The following SPTAN1 variants were observed in gnomAD, a reference collection of about 807,000 sequenced individuals.
SPTAN1 encodes the protein spectrin alpha, non-erythrocytic 1.
SPTAN1 carries 61 observed loss-of-function variants against 331.3 expected under a neutral mutation model. The ratio of observed to expected loss-of-function variants is 0.18; its 90% CI spans 0.15 to 0.23. The LOEUF (loss-of-function observed/expected upper bound fraction) is 0.23. Among genes scored for constraint, SPTAN1 ranks in the 10% least tolerant of loss-of-function variants. The probability of loss-of-function intolerance (pLI) is 1.00; values close to 1 mark genes in which losing one functional copy is unlikely to be tolerated. For synonymous variants in SPTAN1, 1,153 were observed against 1,173.9 expected (o/e 0.98, Z 0.36); for missense variants, 2,043 against 3,147.9 (o/e 0.65, Z 8.40).
intron 1 of SPTAN1, among the ~76,000 whole-genome samples, chr9:128,561,015 CAAAAAA>C (rs10648319): frequency 1.7e-5 from 1 of 60,314 alleles, no homozygotes; most frequent in Admixed American, 2.5e-4. Flanking sequence ...GACCCCATCT[CAAAAAA>C]AAAAAAAAAA....
chr9:128,590,567 AAG>A (rs1853345378), intron 21 of SPTAN1, among the ~76,000 whole-genome samples: 5 of 149,980 alleles, frequency 3.3e-5, no homozygotes, highest in Admixed American at 6.6e-5. Flanking sequence ...AAAAAAAAAA[AAG>A]GGCCAGGCGT....
At chr9:128,609,500 TAATA>T in intron 36 of SPTAN1, 147 bp from the exon 37 acceptor site, 1 of 952,290 alleles carries the variant, frequency 1.1e-6, no homozygotes. Flanking sequence ...ATTTCTGCTG[TAATA>T]AAAGTCTATA....
chr9:128,556,894 A>G lies in SPTAN1; in HGVS notation c.-4+4198A>G, dbSNP rs77452993. On this transcript the variant is annotated intron_variant, in intron 1 of 56. Coordinates refer to ENST00000372739, the MANE Select transcript of SPTAN1 (RefSeq NM_001130438.3). ...GTTTGATCTGAGAATCAACTGGTAT[A>G]CAATTTTATGAGTGCTAATCAATTC... Among the ~76,000 whole-genome samples, 79 of 152,346 alleles carry G rather than the reference A, an allele frequency of 5.2e-4. 2 individuals are homozygous for G. The East Asian group carries it at 0.013, about 25-fold the overall frequency.
At chr9:128,632,356 C>T in intron 53 of SPTAN1, 33 bp downstream of exon 53, 3 of 1,613,580 alleles carry the variant, frequency 1.9e-6, no homozygotes, top group African/African-American at 1.3e-5. Context: ...AGGCTCAGCC[C>T]AGAGCAGGGG....
intron 11 of SPTAN1, 120 bp from the exon 12 acceptor site, chr9:128,581,662 T>G: frequency 1.2e-6 from 1 of 801,960 alleles, no homozygotes; most frequent in South Asian, 1.4e-5. Context: ...CTTAGAAGTT[T>G]AGCAGCCATA....
Position 128,611,562 on chromosome 9 carries a change from A to T in SPTAN1, c.4774-152A>T, listed in dbSNP as rs1157430666. ...CAAGAGATGAACCCTAAAATATTTC[A>T]TACAAACTCCAATTGCCTTCTGTTA... On this transcript the variant is annotated intron_variant, in intron 37 of 56. Coordinates refer to ENST00000372739, the MANE Select transcript of SPTAN1 (RefSeq NM_001130438.3). The T allele has an allele frequency of 4.7e-6, 4 of 859,628 alleles. No individual in the cohort carries two copies. In the African/African-American group the frequency reaches 6.7e-5, roughly 14 times the overall value. 53.3% of individuals were successfully genotyped at this position (859,628 alleles called of 1,614,324 possible). A position where few individuals can be genotyped will look rare whatever the true frequency, so the allele number is the denominator to read the frequency against.
intron 27 of SPTAN1, among the ~76,000 whole-genome samples, chr9:128,600,684 A>G (rs1401117437): frequency 6.6e-6 from 1 of 152,166 alleles, no homozygotes; most frequent in African/African-American, 2.4e-5. Flanking sequence ...TTGTTTTGAG[A>G]TGGAGTATTG....
At chr9:128,570,537 C>A (rs1474752893) in intron 3 of SPTAN1, among the ~76,000 whole-genome samples, 2 of 151,478 alleles carry the variant, frequency 1.3e-5, no homozygotes, top group African/African-American at 4.9e-5. Flanking sequence ...GGGGTTTCAT[C>A]ATGTTGACCA....
At chr9:128,580,357 T>C (rs1851797059) in intron 10 of SPTAN1, among the ~76,000 whole-genome samples, 1 of 151,250 alleles carries the variant, frequency 6.6e-6, no homozygotes, top group South Asian at 2.1e-4. Flanking sequence ...TATGTGTATA[T>C]ATATACACAT....
chr9:128,609,287 A>G lies in SPTAN1; in HGVS notation c.4758+3A>G. 3.1e-6 allele frequency: 5 copies of G among 1,614,256 alleles called. No individual in the cohort carries two copies. In the South Asian group the frequency reaches 4.4e-5, roughly 14 times the overall value. On this transcript the variant is annotated splice_donor_region_variant and intron_variant, in intron 36 of 56. Coordinates refer to ENST00000372739, the MANE Select transcript of SPTAN1 (RefSeq NM_001130438.3). Reference sequence around the variant, plus strand: ...ACAAGGATCCCACCAACATCCAGGTAAGCTGAAGTGACTGGGTGTTGGTCT... The same window carrying G: ...ACAAGGATCCCACCAACATCCAGGTGAGCTGAAGTGACTGGGTGTTGGTCT...
chr9:128,568,649 C>G, intron 2 of SPTAN1, 123 bp from the exon 3 acceptor site: 1 of 1,353,518 alleles, frequency 7.4e-7, no homozygotes, highest in East Asian at 2.5e-5. Context: ...GGCAAGGTGC[C>G]AAATGATGTA....
intron 3 of SPTAN1, among the ~76,000 whole-genome samples, chr9:128,570,536 T>G (rs1425826492): frequency 6.6e-6 from 1 of 151,284 alleles, no homozygotes; most frequent in Non-Finnish European, 1.5e-5. Flanking sequence ...TGGGGTTTCA[T>G]CATGTTGACC....
Position 128,575,231 on chromosome 9 carries a change from G to T in SPTAN1, c.537G>T (p.Gln179His). The T allele has an allele frequency of 6.2e-7, 1 of 1,614,154 alleles. No homozygotes were observed. The highest frequency in any genetic ancestry group is 2.2e-5 in the East Asian group (1 of 44,882). The change falls in exon 5 of 57, where the codon CAG becomes CAT. Residue 179 changes from glutamine (Q) to histidine (H), a missense_variant. Coordinates refer to ENST00000372739, the MANE Select transcript of SPTAN1 (RefSeq NM_001130438.3). ...EAIVTSEELG[Q>H]DLEHVEVLQK... is the part of the protein sequence containing the mutation. The stretch of plus-strand genomic sequence containing the variant: ...TTGTTACTTCTGAAGAGCTGGGCCA[G>T]GATCTGGAGCATGTAGAGGTTTTAC...
At chr9:128,617,903 A>G (rs1449932195) in intron 42 of SPTAN1, 84 bp from the exon 43 acceptor site, 17 of 1,613,094 alleles carry the variant, frequency 1.1e-5, no homozygotes, top group African/African-American at 1.3e-5. Flanking sequence ...CCCAAACTTG[A>G]TGTTGAGGCC....
chr9:128,599,750 CT>C (rs1854834477), intron 26 of SPTAN1: 1 of 228,502 alleles, frequency 4.4e-6, no homozygotes, highest in Non-Finnish European at 8.5e-6. Flanking sequence ...CTATAGCTAT[CT>C]TTAGGTTCAT....
chr9:128,590,711 C>T (rs1178862992), intron 21 of SPTAN1, among the ~76,000 whole-genome samples: 4 of 152,004 alleles, frequency 2.6e-5, no homozygotes, highest in South Asian at 2.1e-4. Flanking sequence ...ATTAGCTGTG[C>T]GTGGTGGCGT....
chr9:128,628,097 T>A (rs763742200), intron 51 of SPTAN1, 155 bp downstream of exon 51: 22 of 950,450 alleles, frequency 2.3e-5, no homozygotes, highest in Non-Finnish European at 3.8e-5. Context: ...TGATGAGGAG[T>A]GTGTGCCTTG....
intron 38 of SPTAN1, 64 bp downstream of exon 38, chr9:128,611,909 T>G: frequency 6.2e-7 from 1 of 1,612,312 alleles, no homozygotes; most frequent in East Asian, 2.2e-5. Flanking sequence ...CAACCTGATA[T>G]AATAACTTGG....
At chr9:128,588,676 C>A (rs1853009029) in intron 20 of SPTAN1, 133 bp from the exon 21 acceptor site, 1 of 1,285,520 alleles carries the variant, frequency 7.8e-7, no homozygotes, top group Non-Finnish European at 1.1e-6. Flanking sequence ...TTATTGGTAG[C>A]TTCAGTGAAG....
Sources: gnomAD v4.1 joint callset for allele counts (sites outside exome capture counted in the v4.1 genomes callset) on GRCh38, gnomAD v4.1.1 for gene constraint, MANE v1.5 for transcripts, NCBI Gene and HGNC (gene_info 2026-07-23, HGNC 2026-07-21) for gene names.